Variants in ALMS1 observed in about 807,000 individuals in gnomAD.
ALMS1 encodes the protein centrosome-associated protein ALMS1.
A neutral mutation model predicts 352.2 loss-of-function variants in ALMS1; 271 were observed. The observed-to-expected ratio is 0.77, with a 90% CI of 0.70 to 0.85. The LOEUF is 0.85. Among genes scored for constraint, ALMS1 ranks in the 40% least tolerant of loss-of-function variants. The pLI, the probability that ALMS1 is intolerant of heterozygous loss-of-function variation, is 0.00. For synonymous variants in ALMS1, 1,865 were observed against 1,761.2 expected, an observed-to-expected ratio of 1.06 and a Z score of -1.48; for missense variants, 5,445 against 4,870.7, an observed-to-expected ratio of 1.12 and a Z score of -3.51.
At chr2:73,469,483 A>G (rs549380017) in intron 9 of ALMS1, 1 of 152,060 alleles carries the variant, frequency 6.6e-6, no homozygotes, top group African/African-American at 2.4e-5. Flanking sequence ...AATATAATGT[A>G]TAACATATAA....
At chr2:73,469,499 G>A (rs970909175) in intron 9 of ALMS1, 4 of 151,826 alleles carry the variant, frequency 2.6e-5, no homozygotes, top group Admixed American at 6.6e-5. Context: ...TATAACTCTC[G>A]TTAGGTATAA....
intron 12 of ALMS1, among the ~76,000 whole-genome samples, chr2:73,543,217 C>G (rs1674230367): frequency 6.6e-6 from 1 of 152,136 alleles, no homozygotes; most frequent in Non-Finnish European, 1.5e-5. Flanking sequence ...TGCCGCATAT[C>G]TACAGCTATC....
At chr2:73,412,342 T>C (rs978680585) in intron 2 of ALMS1, among the ~76,000 whole-genome samples, 1 of 152,220 alleles carries the variant, frequency 6.6e-6, no homozygotes, top group African/African-American at 2.4e-5. Context: ...GTGTAGACTT[T>C]TGAATTTGAC....
intron 11 of ALMS1, among the ~76,000 whole-genome samples, chr2:73,522,227 T>G (rs1673695868): frequency 6.6e-6 from 1 of 152,190 alleles, no homozygotes; most frequent in African/African-American, 2.4e-5. Flanking sequence ...CCATTGTAAT[T>G]TTGTCCAATC....
intron 10 of ALMS1, among the ~76,000 whole-genome samples, chr2:73,518,830 C>G (rs1673612893): frequency 1.3e-5 from 2 of 152,192 alleles, no homozygotes; most frequent in African/African-American, 4.8e-5. Context: ...AGACCTTTAT[C>G]AGATGCATAG....
At position 73,424,685 on chromosome 2, in the gene ALMS1, T is replaced by A. The variant is rs543865660; in HGVS notation, c.1020T>A (p.Asp340Glu). The A allele has an allele frequency of 2.5e-6, 4 of 1,614,098 alleles. No individual in the cohort carries two copies. The South Asian group carries it at 4.4e-5, about 18-fold the overall frequency. The change falls in exon 5 of 23, where the codon GAT (aspartate) becomes GAA (glutamate). Residue 340 changes from aspartate to glutamate, a missense_variant. By Grantham distance (45) the Asp-to-Glu change is conservative (BLOSUM62 2). Transcript: ENST00000613296. ...TTCCCAAAGACTGTGATCGTTATGA[T>A]GATCTTTGTTCATATATGTCATGGA... ...LKIPKDCDRYDDLCSYMSWKT... is the reference protein window; with the variant it reads ...LKIPKDCDRYEDLCSYMSWKT...
Position 73,518,472 on chromosome 2 carries a change from G to T in ALMS1, c.9540-1303G>T, listed in dbSNP as rs1172728261. ...GGTAGAATGACATATATTTCTTTGGGTATGTACACAGCAATGGATTGCTGA... is the reference window on the plus strand; with the variant it reads ...GGTAGAATGACATATATTTCTTTGGTTATGTACACAGCAATGGATTGCTGA... On this transcript the variant is annotated intron_variant, in intron 10 of 22. Transcript: ENST00000613296. Among the ~76,000 whole-genome samples, 3 of 152,064 alleles carry T rather than the reference G, an allele frequency of 2.0e-5. No individual in the cohort carries two copies. In the East Asian group the frequency reaches 5.8e-4, roughly 29 times the overall value.
Position 73,450,079 on chromosome 2 carries a change from A to G in ALMS1, c.3552A>G (p.Ile1184Met), listed in dbSNP as rs2103779378. The change falls in exon 8 of 23, where the codon ATA (isoleucine) becomes ATG (methionine). Residue 1184 changes from isoleucine to methionine, a missense_variant. Physicochemically the swap from Ile to Met is conservative, Grantham distance 10. Transcript: ENST00000613296. ...VTGPGNQKTW[I>M]PRVLSTFYSQ... Reference sequence around the variant, plus strand: ...GACCAGGTAACCAGAAGACTTGGATACCAAGAGTACTTTCTACCTTCTACT... The same window carrying G: ...GACCAGGTAACCAGAAGACTTGGATGCCAAGAGTACTTTCTACCTTCTACT... The G allele has an allele frequency of 3.7e-6, 6 of 1,614,032 alleles. No individual in the cohort carries two copies. The highest frequency in any genetic ancestry group is 5.1e-6 in the Non-Finnish European group (6 of 1,179,952).
chr2:73,477,736 TA>T (rs1672611384), intron 9 of ALMS1, among the ~76,000 whole-genome samples: 2 of 152,194 alleles, frequency 1.3e-5, no homozygotes, highest in Non-Finnish European at 2.9e-5. Context: ...CTTGCTGTTG[TA>T]AATTGAATTT....
chr2:73,598,189 C>T (rs968246732), intron 16 of ALMS1, among the ~76,000 whole-genome samples: 1 of 152,156 alleles, frequency 6.6e-6, no homozygotes, highest in Non-Finnish European at 1.5e-5. Context: ...CTCAAAGATG[C>T]TATTAAATGT....
chr2:73,518,696 T>A (rs1284710571), intron 10 of ALMS1, among the ~76,000 whole-genome samples: 1 of 152,200 alleles, frequency 6.6e-6, no homozygotes, highest in Non-Finnish European at 1.5e-5. Context: ...TGGTTTTGAT[T>A]TGCATTTATG....
intron 11 of ALMS1, among the ~76,000 whole-genome samples, chr2:73,525,846 T>C (rs1369717092): frequency 6.6e-6 from 1 of 152,208 alleles, no homozygotes; most frequent in African/African-American, 2.4e-5. Context: ...AAGAAATCTT[T>C]GCCAATATTT....
intron 1 of ALMS1, among the ~76,000 whole-genome samples, chr2:73,402,617 C>T (rs921731102): frequency 2.0e-5 from 3 of 152,160 alleles, no homozygotes; most frequent in African/African-American, 4.8e-5. Context: ...AATTGCTGCA[C>T]TGGTTTACAT....
intron 16 of ALMS1, among the ~76,000 whole-genome samples, chr2:73,595,374 T>C (rs1392238736): frequency 6.6e-6 from 1 of 152,254 alleles, no homozygotes; most frequent in African/African-American, 2.4e-5. Flanking sequence ...CTGTCTCTTC[T>C]GGAGATTTTA....
At chr2:73,506,393 A>G (rs1206982236) in intron 10 of ALMS1, among the ~76,000 whole-genome samples, 1 of 152,132 alleles carries the variant, frequency 6.6e-6, no homozygotes, top group Non-Finnish European at 1.5e-5. Context: ...TGGCCATTTC[A>G]CAATATTGAT....
At chr2:73,438,624 A>G (rs980146001) in intron 7 of ALMS1, among the ~76,000 whole-genome samples, 2 of 152,236 alleles carry the variant, frequency 1.3e-5, no homozygotes, top group Non-Finnish European at 1.5e-5. Flanking sequence ...TGTGATTAAA[A>G]TTATGCCGTA....
chr2:73,445,949 T>G (rs1188887548), intron 7 of ALMS1, among the ~76,000 whole-genome samples: 1 of 152,212 alleles, frequency 6.6e-6, no homozygotes, highest in Non-Finnish European at 1.5e-5. Flanking sequence ...ATAAGGACTC[T>G]AAAAACATAC....
chr2:73,477,769 A>T (rs748536942), intron 9 of ALMS1, among the ~76,000 whole-genome samples: 6 of 151,506 alleles, frequency 4.0e-5, no homozygotes, highest in Non-Finnish European at 8.8e-5. Context: ...TTATTTTTGG[A>T]TTGTGAATTG....
chr2:73,551,286 C>T (rs1298159094), intron 13 of ALMS1, among the ~76,000 whole-genome samples: 2 of 152,144 alleles, frequency 1.3e-5, no homozygotes, highest in African/African-American at 2.4e-5. Flanking sequence ...TAATCAGCTG[C>T]AGCTGAGCCA....
Sources: gnomAD v4.1 joint callset for allele counts (sites outside exome capture counted in the v4.1 genomes callset) on GRCh38, gnomAD v4.1.1 for gene constraint, MANE v1.5 for transcripts, NCBI Gene and HGNC (gene_info 2026-07-23, HGNC 2026-07-21) for gene names.